The following ZFP64 variants were observed in gnomAD, a reference collection of about 807,000 sequenced individuals.
ZFP64 encodes zinc finger protein 64.
A neutral mutation model predicts 51.6 loss-of-function variants in ZFP64; 14 were observed. The ratio of observed to expected loss-of-function variants is 0.27; its 90% CI spans 0.18 to 0.42. The LOEUF is 0.42. Ranked by LOEUF, ZFP64 falls within the 10% of genes least tolerant of loss-of-function variation. The probability of loss-of-function intolerance (pLI) is 1.00; values close to 1 mark genes in which losing one functional copy is unlikely to be tolerated. For missense variants in ZFP64, 754 were observed against 906.8 expected, an observed-to-expected ratio of 0.83 and a Z score of 2.16; for synonymous variants, 375 against 361.4, an observed-to-expected ratio of 1.04 and a Z score of -0.43.
chr20:52,171,142 C>A (rs1982683009), intron 2 of ZFP64, among the ~76,000 whole-genome samples: 1 of 152,190 alleles, frequency 6.6e-6, no homozygotes, highest in South Asian at 2.1e-4. Context: ...GGCTTGCTGG[C>A]GCCTCCTAGC....
chr20:52,130,739 A>C (rs2122880377), intron 5 of ZFP64, among the ~76,000 whole-genome samples: 1 of 152,216 alleles, frequency 6.6e-6, no homozygotes, highest in South Asian at 2.1e-4. Context: ...AGTATTTTCC[A>C]CATTACTCAG....
intron 2 of ZFP64, 100 bp downstream of exon 2, chr20:52,186,732 G>A (rs764418581): frequency 3.4e-6 from 5 of 1,482,954 alleles, no homozygotes; most frequent in Non-Finnish European, 4.5e-6. Flanking sequence ...GCAACCCTAG[G>A]GGGTGGGCTC....
rs1486949118 is a variant in ZFP64 at position 52,090,643 on chromosome 20, A to G, written c.977-2000T>C. 2.6e-5 allele frequency among the ~76,000 whole-genome samples: 4 copies of G among 152,150 alleles called. No individual in the cohort carries two copies. The East Asian group carries it at 7.8e-4, about 29-fold the overall frequency. On this transcript the variant is annotated intron_variant, in intron 7 of 8. Coordinates refer to the ZFP64 transcript ENST00000361387. ...GTGAAATCCTGTCTCTACTAAAAAT[A>G]CAAAAATTAGCTGGGCTTGGTGATG...
At chr20:52,123,559 A>G (rs1277528118) in intron 5 of ZFP64, among the ~76,000 whole-genome samples, 1 of 152,224 alleles carries the variant, frequency 6.6e-6, no homozygotes, top group Admixed American at 6.5e-5. Context: ...TAAGATGATC[A>G]CTAGCATTCT....
At chr20:52,123,394 G>T (rs947007593) in intron 5 of ZFP64, among the ~76,000 whole-genome samples, 2 of 152,152 alleles carry the variant, frequency 1.3e-5, no homozygotes, top group Admixed American at 1.3e-4. Context: ...TTTGTGACAG[G>T]AAGTGTTAAT....
At chr20:52,121,521 T>C (rs1979191587) in intron 5 of ZFP64, among the ~76,000 whole-genome samples, 1 of 152,138 alleles carries the variant, frequency 6.6e-6, no homozygotes, top group Non-Finnish European at 1.5e-5. Flanking sequence ...TACTTAAGTC[T>C]ATGAAGGCTG....
chr20:52,118,368 C>G (rs1299871003), intron 5 of ZFP64, among the ~76,000 whole-genome samples: 2 of 152,134 alleles, frequency 1.3e-5, no homozygotes, highest in African/African-American at 4.8e-5. Flanking sequence ...TTTGAAAGCT[C>G]CTGAGCTATA....
intron 5 of ZFP64, among the ~76,000 whole-genome samples, chr20:52,104,285 A>G (rs545331800): frequency 6.6e-6 from 1 of 152,340 alleles, no homozygotes; most frequent in South Asian, 2.1e-4. Context: ...GAATTTGGCG[A>G]GCGAGAAAAG....
At position 52,137,420 on chromosome 20, in the gene ZFP64, A is replaced by C. The variant is rs188158527; in HGVS notation, c.763+22703T>G. Among the ~76,000 whole-genome samples the C allele has an allele frequency of 3.3e-5, 5 of 152,290 alleles. No homozygotes were observed. In the East Asian group the frequency reaches 9.7e-4, roughly 29 times the overall value. On this transcript the variant is annotated intron_variant, in intron 5 of 8. Coordinates refer to the ZFP64 transcript ENST00000361387. Reference sequence around the variant, plus strand: ...TTCATCTCCACCAGAACAGAGTTTAACGACTACTGAAGAAAAAAAGATCTT... The same window carrying C: ...TTCATCTCCACCAGAACAGAGTTTACCGACTACTGAAGAAAAAAAGATCTT...
At chr20:52,117,297 A>T (rs1978925749) in intron 5 of ZFP64, among the ~76,000 whole-genome samples, 1 of 152,042 alleles carries the variant, frequency 6.6e-6, no homozygotes, top group Non-Finnish European at 1.5e-5. Flanking sequence ...TTTGAGACAC[A>T]CTGGCATCAG....
chr20:52,098,799 C>T (rs763228295), intron 5 of ZFP64, among the ~76,000 whole-genome samples: 1 of 151,764 alleles, frequency 6.6e-6, no homozygotes, highest in African/African-American at 2.4e-5. Context: ...TTCAGGAGTT[C>T]GAGACCAGCC....
At chr20:52,164,871 G>T in intron 3 of ZFP64, 114 bp from the exon 4 acceptor site, 1 of 831,090 alleles carries the variant, frequency 1.2e-6, no homozygotes, top group Non-Finnish European at 2.0e-6. Flanking sequence ...CACGGTAATG[G>T]GAAAAAGAGA....
intron 5 of ZFP64, among the ~76,000 whole-genome samples, chr20:52,098,953 G>C (rs2079021751): frequency 7.0e-6 from 1 of 142,594 alleles, no homozygotes; most frequent in Admixed American, 7.5e-5. Context: ...AGTGAGCCGA[G>C]ATCATGCCAC....
exon 9 of ZFP64, chr20:52,084,540 C>T (rs1428239153): frequency 1.2e-6 from 2 of 1,601,332 alleles, no homozygotes; most frequent in South Asian, 2.2e-5. Context: ...GACAGCTGAC[C>T]ACCCTCTTCG....
At chr20:52,149,960 G>C (rs1980708331), downstream of ZFP64, among the ~76,000 whole-genome samples, 1 of 152,278 alleles carries the variant, frequency 6.6e-6, no homozygotes, top group East Asian at 1.9e-4. Flanking sequence ...TGTAATCCCA[G>C]CACTTTGGGA....
intron 5 of ZFP64, among the ~76,000 whole-genome samples, chr20:52,121,389 G>A (rs1011677155): frequency 1.4e-5 from 2 of 144,482 alleles, no homozygotes; most frequent in Non-Finnish European, 3.1e-5. Flanking sequence ...ACACATGAGT[G>A]ATAAAAAAGT....
intron 2 of ZFP64, among the ~76,000 whole-genome samples, chr20:52,166,330 G>C (rs971058853): frequency 6.6e-6 from 1 of 152,136 alleles, no homozygotes; most frequent in Non-Finnish European, 1.5e-5. Flanking sequence ...CCTACTTCCT[G>C]TCTTTGTATA....
At chr20:52,103,677 G>A (rs2079077857) in intron 5 of ZFP64, among the ~76,000 whole-genome samples, 1 of 152,156 alleles carries the variant, frequency 6.6e-6, no homozygotes, top group Admixed American at 6.5e-5. Flanking sequence ...AAAAGACTCA[G>A]CATCCCCAGT....
At chr20:52,121,940 A>G (rs1216080498) in intron 5 of ZFP64, among the ~76,000 whole-genome samples, 1 of 152,202 alleles carries the variant, frequency 6.6e-6, no homozygotes, top group African/African-American at 2.4e-5. Context: ...ATGATGCTAC[A>G]TCTACTCCAC....
Sources: allele counts gnomAD v4.1 joint callset (sites outside exome capture counted in the v4.1 genomes callset), GRCh38; gene constraint gnomAD v4.1.1; transcripts MANE v1.5; gene names NCBI Gene and HGNC (gene_info 2026-07-23, HGNC 2026-07-21).